SDK2: variants seen among roughly 807,000 people sequenced by gnomAD.
The protein encoded by SDK2 is protein sidekick-2.
SDK2 carries 105 observed loss-of-function variants against 253.9 expected under a neutral mutation model. The ratio of observed to expected loss-of-function variants is 0.41; its 90% CI spans 0.35 to 0.49. The LOEUF is 0.49. Among genes scored for constraint, SDK2 ranks in the 20% least tolerant of loss-of-function variants. SDK2 has a pLI of 0.06. For missense variants in SDK2, 2,608 were observed against 3,003.0 expected (o/e 0.87, Z 3.07); for synonymous variants, 1,249 against 1,234.9 (o/e 1.01, Z -0.24).
rs573241267 is a variant in SDK2, at chr17:73,369,448, C to T, written c.4981-855G>A. Among the ~76,000 whole-genome samples the T allele has an allele frequency of 3.9e-5, 6 of 152,346 alleles. No homozygotes were observed. In the South Asian group the frequency reaches 1.2e-3, roughly 32 times the overall value. On this transcript the variant is annotated intron_variant, in intron 36 of 44. Transcript: ENST00000392650. ...GCGGGAGGCTGAATCCCAGCTGCAC[C>T]GCATACAGCAGCGGGACCTGGCCAG...
intron 1 of SDK2, among the ~76,000 whole-genome samples, chr17:73,542,061 A>G (rs953903796): frequency 2.0e-5 from 3 of 152,232 alleles, no homozygotes; most frequent in Non-Finnish European, 4.4e-5. Flanking sequence ...CAAGTGTCAT[A>G]CAATGGTGAG....
chr17:73,489,126 C>G (rs1301470586), intron 2 of SDK2, among the ~76,000 whole-genome samples: 1 of 152,176 alleles, frequency 6.6e-6, no homozygotes, highest in Admixed American at 6.5e-5. Flanking sequence ...ACCCTTGTCT[C>G]CATGTACTGT....
Position 73,467,149 on chromosome 17 carries a change from T to G in SDK2, c.331+4963A>C, listed in dbSNP as rs1420608865. On this transcript the variant is annotated intron_variant, in intron 3 of 44. Transcript: ENST00000392650. This position sits in a 1 kb window ranked among gnomAD's most constrained non-coding sequence, Gnocchi z 4.1. Reference sequence around the variant, plus strand: ...CATTCACCCTAGGTGGGAGACCCTGTGCATTTGCAGAGCTGTTTGGACATG... The same window carrying G: ...CATTCACCCTAGGTGGGAGACCCTGGGCATTTGCAGAGCTGTTTGGACATG... Among the ~76,000 whole-genome samples the G allele has an allele frequency of 6.6e-6, 1 of 152,126 alleles. No homozygotes were observed. Among genetic ancestry groups the G allele is most frequent in the African/African-American group, 2.4e-5 (1 of 41,432 alleles).
intron 10 of SDK2, among the ~76,000 whole-genome samples, chr17:73,432,609 T>A (rs576173689): frequency 6.7e-6 from 1 of 149,312 alleles, no homozygotes; most frequent in Admixed American, 6.7e-5. Context: ...AGACAGGCCA[T>A]GAGCTAGGTA....
chr17:73,486,256 C>G (rs1775969300), intron 2 of SDK2, among the ~76,000 whole-genome samples: 2 of 152,022 alleles, frequency 1.3e-5, no homozygotes, highest in Non-Finnish European at 2.9e-5. Context: ...ATAGGAGGGA[C>G]TTTGGTTTTT....
At position 73,504,189 on chromosome 17, in the gene SDK2, C is replaced by CGTGT. The variant is rs1232409933; in HGVS notation, c.224+3248_224+3249insACAC. On this transcript the variant is annotated intron_variant, in intron 2 of 44. Transcript: ENST00000392650. ...AAAGGACAGAGGAGATGGAGCAGTGCGTGCGTGTGTGTGTGTGTGTGTGTG... is the reference window on the plus strand; with the variant it reads ...AAAGGACAGAGGAGATGGAGCAGTGCGTGTGTGCGTGTGTGTGTGTGTGTGTGTG... 2.8e-3 allele frequency among the ~76,000 whole-genome samples: 254 copies of CGTGT among 89,558 alleles called. 5 individuals carry two copies. Among genetic ancestry groups the CGTGT allele is most frequent in the Middle Eastern group, 0.018 (3 of 170 alleles). 58.8% of individuals were successfully genotyped at this position (89,558 alleles called of 152,430 possible).
chr17:73,406,105 T>C (rs1286348684), intron 18 of SDK2, among the ~76,000 whole-genome samples: 1 of 152,194 alleles, frequency 6.6e-6, no homozygotes, highest in Non-Finnish European at 1.5e-5. Context: ...GTTGTTATAC[T>C]GTATTGTTTG....
chr17:73,631,473 G>T (rs1453347361), intron 1 of SDK2, among the ~76,000 whole-genome samples: 1 of 152,204 alleles, frequency 6.6e-6, no homozygotes, highest in Admixed American at 6.5e-5. Flanking sequence ...TCCATTCTGG[G>T]TTCTGAGTCC....
intron 1 of SDK2, among the ~76,000 whole-genome samples, chr17:73,531,971 G>A (rs542920444): frequency 3.5e-4 from 53 of 152,100 alleles, no homozygotes; most frequent in Non-Finnish European, 5.4e-4. Context: ...ACCTATCGGC[G>A]CCTTCTAATC....
At chr17:73,634,641 GA>G (rs1399071913) in intron 1 of SDK2, among the ~76,000 whole-genome samples, 3 of 152,354 alleles carry the variant, frequency 2.0e-5, no homozygotes, top group African/African-American at 7.2e-5. Context: ...CTTAACAGCA[GA>G]AGTTTAGATG....
rs1420291734 is a variant in SDK2, at chr17:73,430,521, C to T, written c.1573G>A (p.Val525Ile). The change falls in exon 12 of 45, where the codon GTA becomes ATA. Residue 525 changes from valine to isoleucine, a missense_variant. By Grantham distance (29) the Val-to-Ile change is conservative (BLOSUM62 3). Coordinates refer to ENST00000392650, the MANE Select transcript of SDK2 (RefSeq NM_001144952.2). ...MVCGVTHDPRVTIRYIWEKDG... is the reference protein window; with the variant it reads ...MVCGVTHDPRITIRYIWEKDG... ...CAGCAGAGCCAGTACCTGATGGTTA[C>T]TCGGGGGTCGTGGGTCACTCCGCAC... 5.0e-6 allele frequency: 8 copies of T among 1,607,498 alleles called. No homozygotes were observed. In the East Asian group the frequency reaches 1.3e-4, roughly 27 times the overall value.
rs1218691948 is a variant in SDK2, at chr17:73,433,736, C to T, written c.1308G>A (p.Gln436=). ...CTGAAGGTGTGTTCCATCTACCTTT[C>T]TGCCAAGTGATAGCTGGTCGGGGCG... is the stretch of plus-strand genomic sequence containing the variant. ...SGAPRPAITW[Q]KGERILASGS... is the part of the protein sequence containing the mutation. Residue 436 remains glutamine, a synonymous_variant, in exon 10 of 45, where the codon CAG becomes CAA. Transcript: ENST00000392650. The T allele has an allele frequency of 6.3e-7, 1 of 1,598,782 alleles. No individual in the cohort carries two copies.
intron 1 of SDK2, among the ~76,000 whole-genome samples, chr17:73,571,658 C>T (rs1170413442): frequency 2.0e-5 from 3 of 152,368 alleles, no homozygotes; most frequent in South Asian, 2.1e-4. Context: ...CTCTCCTCCT[C>T]GGGTGTGGGG....
At chr17:73,434,822 G>A (rs912171686) in intron 9 of SDK2, among the ~76,000 whole-genome samples, 1 of 151,960 alleles carries the variant, frequency 6.6e-6, no homozygotes, top group Non-Finnish European at 1.5e-5. Context: ...GGTAGACGAG[G>A]TTTCGCCATG....
Position 73,644,165 on chromosome 17 carries a change from C to G in SDK2, c.-77G>C. 1 of 1,250,312 alleles carries G rather than the reference C, an allele frequency of 8.0e-7. No homozygotes were observed. Among genetic ancestry groups the G allele is most frequent in the Non-Finnish European group, 1.1e-6 (1 of 876,036 alleles). The allele number at this position is 1,250,312 out of a possible 1,614,324, so 77.5% of individuals were successfully genotyped here. On this transcript the variant is annotated 5_prime_UTR_variant, in exon 1 of 45. Coordinates refer to ENST00000392650, the MANE Select transcript of SDK2 (RefSeq NM_001144952.2). The surrounding 1 kb of genome is among the most constrained non-coding windows in gnomAD (Gnocchi z 6.3). ...TTTATAATCCTGGTGGGGTCCGATA[C>G]CCCGTGGCTTAGTCCCAGGAAACAG...
At chr17:73,419,845 C>T (rs531996582) in intron 15 of SDK2, among the ~76,000 whole-genome samples, 8 of 148,518 alleles carry the variant, frequency 5.4e-5, no homozygotes, top group South Asian at 2.1e-4. Flanking sequence ...GTTTGCATCA[C>T]GGAACTACAG....
chr17:73,533,032 C>T (rs897317066), intron 1 of SDK2, among the ~76,000 whole-genome samples: 6 of 152,220 alleles, frequency 3.9e-5, no homozygotes, highest in East Asian at 1.9e-4. Context: ...TCTTCCTCTC[C>T]AGCCGTTCCT....
intron 1 of SDK2, among the ~76,000 whole-genome samples, chr17:73,602,019 C>T (rs2045848985): frequency 6.6e-6 from 1 of 152,236 alleles, no homozygotes; most frequent in South Asian, 2.1e-4. Flanking sequence ...GCTGGGATTA[C>T]AGGCGTGAGC....
chr17:73,514,430 C>A (rs976971842), intron 1 of SDK2, among the ~76,000 whole-genome samples: 2 of 152,176 alleles, frequency 1.3e-5, no homozygotes, highest in Non-Finnish European at 2.9e-5. Context: ...CCCTTCTCTG[C>A]AAAATAATGT....
Sources: allele counts gnomAD v4.1 joint callset (sites outside exome capture counted in the v4.1 genomes callset), GRCh38; gene constraint gnomAD v4.1.1; non-coding constraint Gnocchi (gnomAD v3.1); transcripts MANE v1.5; gene names NCBI Gene and HGNC (gene_info 2026-07-23, HGNC 2026-07-21).